Variants in MYRFL observed in about 807,000 individuals in gnomAD.
The protein encoded by MYRFL is myelin regulatory factor-like protein.
A neutral mutation model predicts 109.4 loss-of-function variants in MYRFL; 88 were observed. The observed-to-expected ratio is 0.80, with a 90% CI of 0.68 to 0.96. The LOEUF is 0.96. Among genes scored for constraint, MYRFL ranks in the 40% least tolerant of loss-of-function variants. The probability of loss-of-function intolerance (pLI) is 0.00; values close to 1 mark genes in which losing one functional copy is unlikely to be tolerated. For synonymous variants in MYRFL, 324 were observed against 320.9 expected (o/e 1.01, Z -0.10); for missense variants, 957 against 954.9 (o/e 1.00, Z -0.03).
At chr12:69,944,676 A>G (rs1209877617) in intron 19 of MYRFL, among the ~76,000 whole-genome samples, 1 of 151,788 alleles carries the variant, frequency 6.6e-6, no homozygotes, top group African/African-American at 2.4e-5. Flanking sequence ...CTAAAACTTA[A>G]AGTATAATAA....
At chr12:69,924,727 G>C (rs1435909069) in intron 13 of MYRFL, among the ~76,000 whole-genome samples, 2 of 152,008 alleles carry the variant, frequency 1.3e-5, no homozygotes, top group Non-Finnish European at 2.9e-5. Context: ...AAAAATATAG[G>C]GTTTTCTGAT....
At chr12:69,924,427 T>C (rs1457184344) in intron 13 of MYRFL, among the ~76,000 whole-genome samples, 1 of 152,156 alleles carries the variant, frequency 6.6e-6, no homozygotes, top group East Asian at 1.9e-4. Flanking sequence ...TCCATAACAG[T>C]ATATAGAGAT....
chr12:69,869,007 CACAT>C (rs1412388298), intron 2 of MYRFL, among the ~76,000 whole-genome samples: 5 of 152,252 alleles, frequency 3.3e-5, no homozygotes, highest in Non-Finnish European at 2.9e-5. Flanking sequence ...CACATGCACA[CACAT>C]ACACTCACAC....
intron 10 of MYRFL, among the ~76,000 whole-genome samples, chr12:69,897,457 G>T (rs187680244): frequency 6.6e-6 from 1 of 152,144 alleles, no homozygotes; most frequent in Non-Finnish European, 1.5e-5. Context: ...GACATTTTTG[G>T]TTGTCACAGC....
At chr12:69,867,901 G>A (rs888546862) in intron 2 of MYRFL, among the ~76,000 whole-genome samples, 3 of 152,124 alleles carry the variant, frequency 2.0e-5, no homozygotes, top group Non-Finnish European at 4.4e-5. Flanking sequence ...AACATTATCT[G>A]ATACTCCTTG....
intron 14 of MYRFL, among the ~76,000 whole-genome samples, chr12:69,926,935 T>TTTTTTTTG: frequency 8.3e-5 from 1 of 12,100 alleles, no homozygotes; most frequent in Admixed American, 1.2e-3. Context: ...TGTTGCTGGT[T>TTTTTTTTG]TTTTTTTTTT....
chr12:69,852,087 G>C (rs1315489728), intron 1 of MYRFL, among the ~76,000 whole-genome samples: 1 of 152,224 alleles, frequency 6.6e-6, no homozygotes, highest in Non-Finnish European at 1.5e-5. Flanking sequence ...ATTGGTCACT[G>C]TCCAACCAAT....
chr12:69,955,284 A>G (rs1956067314), intron 21 of MYRFL, 79 bp from the exon 22 acceptor site: 1 of 534,606 alleles, frequency 1.9e-6, no homozygotes, highest in Admixed American at 3.6e-5. Context: ...TTTTTATGGT[A>G]TATAATGAGT....
chr12:69,952,168 G>C lies in MYRFL; in HGVS notation c.2280G>C (p.Glu760Asp). Reference protein sequence around the residue: ...ARNALSGPDWESDWIDTTISS... With the variant: ...ARNALSGPDWDSDWIDTTISS... ...ATGCACTCAGCGGCCCTGACTGGGA[G>C]AGTGACTGTAAGTTGACATTTAAGT... The change falls in exon 20 of 25, where the codon GAG becomes GAC. Residue 760 changes from glutamate to aspartate, a missense_variant. Physicochemically the swap from Glu to Asp is conservative, Grantham distance 45. Coordinates refer to ENST00000552032, the MANE Select transcript of MYRFL (RefSeq NM_182530.3). The C allele has an allele frequency of 6.5e-7, 1 of 1,536,140 alleles. No homozygotes were observed. The highest frequency in any genetic ancestry group is 8.7e-7 in the Non-Finnish European group (1 of 1,146,886).
intron 2 of MYRFL, among the ~76,000 whole-genome samples, chr12:69,871,004 G>A (rs950275724): frequency 6.6e-6 from 1 of 151,838 alleles, no homozygotes; most frequent in Admixed American, 6.6e-5. Context: ...GTAGTGTCAG[G>A]GTAACTAAAC....
intron 13 of MYRFL, among the ~76,000 whole-genome samples, chr12:69,917,650 T>C (rs1954783172): frequency 6.6e-6 from 1 of 152,148 alleles, no homozygotes; most frequent in South Asian, 2.1e-4. Flanking sequence ...CCGTTATCTT[T>C]CTCCTTCACT....
intron 21 of MYRFL, among the ~76,000 whole-genome samples, chr12:69,953,201 T>G (rs940788050): frequency 3.0e-4 from 46 of 152,308 alleles, no homozygotes; most frequent in Non-Finnish European, 5.1e-4. Context: ...AGCTGCCAGT[T>G]AATTTTATAG....
At chr12:69,827,856 CAGTT>C (rs1882385076) in intron 1 of MYRFL, among the ~76,000 whole-genome samples, 1 of 151,886 alleles carries the variant, frequency 6.6e-6, no homozygotes, top group Non-Finnish European at 1.5e-5. Flanking sequence ...GGGTTGAAAA[CAGTT>C]AATATATTTC....
At chr12:69,843,377 G>A (rs10879027) in intron 1 of MYRFL, among the ~76,000 whole-genome samples, 7,638 of 152,212 alleles carry the variant, frequency 0.05, 276 homozygotes, top group East Asian at 0.11. Context: ...TTGTCATCTT[G>A]CCAGTTGTCT....
chr12:69,889,834 C>T (rs913061581), intron 6 of MYRFL, among the ~76,000 whole-genome samples: 18 of 151,690 alleles, frequency 1.2e-4, no homozygotes, highest in African/African-American at 2.9e-4. Context: ...TCCACCTGGG[C>T]GACAGAGCGA....
At position 69,825,497 on chromosome 12, in the gene MYRFL, T is replaced by A. The variant is rs1400993229; in HGVS notation, c.-21T>A. 1 of 700,854 alleles carries A rather than the reference T, an allele frequency of 1.4e-6. No homozygotes were observed. Among genetic ancestry groups the A allele is most frequent in the African/African-American group, 1.8e-5 (1 of 57,120 alleles). 43.4% of individuals were successfully genotyped at this position (700,854 alleles called of 1,614,324 possible). ...TGATAACCGTTGTTTTATGAGGAAA[T>A]AGTACTAGGATCACAGTACCATGGA... On this transcript the variant is annotated 5_prime_UTR_variant, in exon 1 of 25. The change abolishes the stop of an existing upstream ORF in the 5' untranslated region. Coordinates refer to ENST00000552032, the MANE Select transcript of MYRFL (RefSeq NM_182530.3).
chr12:69,875,786 G>T (rs1630148), intron 2 of MYRFL, among the ~76,000 whole-genome samples: 77,426 of 151,932 alleles, frequency 0.51, 19,956 homozygotes, highest in East Asian at 0.74. Flanking sequence ...ACCATCCCCC[G>T]CCCCCACTAC....
Position 69,910,042 on chromosome 12 carries a change from C to T in MYRFL, c.1457C>T (p.Ala486Val). ...IVEYDYKPEF[A>V]SAMGINTAHQ... ...GAATATGACTACAAACCTGAATTTG[C>T]ATCTGCAATGGGAATAAACACTGCC... Residue 486 changes from alanine to valine, a missense_variant, in exon 12 of 25, where the codon GCA becomes GTA. By Grantham distance (64) the Ala-to-Val change is moderately conservative. Coordinates refer to ENST00000552032, the MANE Select transcript of MYRFL (RefSeq NM_182530.3). 1 of 1,534,380 alleles carries T rather than the reference C, an allele frequency of 6.5e-7. No homozygotes were observed. The highest frequency in any genetic ancestry group is 8.7e-7 in the Non-Finnish European group (1 of 1,146,254).
At chr12:69,833,760 G>A (rs1882772797) in intron 1 of MYRFL, among the ~76,000 whole-genome samples, 1 of 150,842 alleles carries the variant, frequency 6.6e-6, no homozygotes, top group Admixed American at 6.6e-5. Flanking sequence ...TTCTAATCAG[G>A]TCACAGGGAA....
Sources: allele counts gnomAD v4.1 joint callset (sites outside exome capture counted in the v4.1 genomes callset), GRCh38; gene constraint gnomAD v4.1.1; transcripts MANE v1.5; gene names NCBI Gene and HGNC (gene_info 2026-07-23, HGNC 2026-07-21).